KCNAB1: variants seen among roughly 807,000 people sequenced by gnomAD.
KCNAB1 encodes voltage-gated potassium channel subunit beta-1.
Under a neutral mutation model 64.6 loss-of-function variants are expected in KCNAB1, and 35 were observed. The ratio of observed to expected loss-of-function variants is 0.54; its 90% CI spans 0.41 to 0.72. KCNAB1 has a LOEUF of 0.72. KCNAB1 is among the 30% of genes least tolerant of loss of function. The probability of loss-of-function intolerance (pLI) is 0.00; values close to 1 mark genes in which losing one functional copy is unlikely to be tolerated. For synonymous variants in KCNAB1, 177 were observed against 183.8 expected (o/e 0.96, Z 0.30); for missense variants, 401 against 512.9 (o/e 0.78, Z 2.11).
chr3:156,335,498 G>T (rs532576599), intron 1 of KCNAB1, among the ~76,000 whole-genome samples: 1 of 152,278 alleles, frequency 6.6e-6, no homozygotes, highest in South Asian at 2.1e-4. Context: ...TGCCATTGAG[G>T]ACTATAGCTC....
chr3:156,173,715 G>T (rs932573376), intron 1 of KCNAB1, among the ~76,000 whole-genome samples: 2 of 152,194 alleles, frequency 1.3e-5, no homozygotes, highest in South Asian at 4.1e-4. Flanking sequence ...ATGTCAACTT[G>T]ACAGGGCCAC....
chr3:156,236,720 T>C (rs1429594538), intron 1 of KCNAB1, among the ~76,000 whole-genome samples: 2 of 152,066 alleles, frequency 1.3e-5, no homozygotes, highest in African/African-American at 4.8e-5. Flanking sequence ...CTACCAATGC[T>C]GCCACTGCCT....
chr3:156,152,300 A>G (rs1715460610), intron 1 of KCNAB1, among the ~76,000 whole-genome samples: 1 of 152,220 alleles, frequency 6.6e-6, no homozygotes. Context: ...CTGAGCACTG[A>G]TGGACCACAG....
chr3:156,131,785 C>T (rs115568269), intron 1 of KCNAB1, among the ~76,000 whole-genome samples: 6 of 152,160 alleles, frequency 3.9e-5, no homozygotes, highest in Non-Finnish European at 4.4e-5. Flanking sequence ...CAAGTCCGAC[C>T]AGGGGTGGGA....
intron 1 of KCNAB1, among the ~76,000 whole-genome samples, chr3:156,304,521 C>T (rs897784264): frequency 6.6e-5 from 10 of 152,156 alleles, no homozygotes; most frequent in Admixed American, 1.3e-4. Context: ...TACTGACCAG[C>T]GTATGTTTAT....
At chr3:156,222,690 G>C (rs1373289450) in intron 1 of KCNAB1, among the ~76,000 whole-genome samples, 1 of 152,144 alleles carries the variant, frequency 6.6e-6, no homozygotes, top group Non-Finnish European at 1.5e-5. Flanking sequence ...CACAAAACAA[G>C]TCTCAGCAAA....
chr3:156,412,332 T>C (rs1292332415), intron 1 of KCNAB1, among the ~76,000 whole-genome samples: 1 of 152,214 alleles, frequency 6.6e-6, no homozygotes, highest in African/African-American at 2.4e-5. Context: ...AGAGACAGTT[T>C]TATTTCCTTT....
In KCNAB1 at chr3:156,523,924, G is replaced by GCA; in HGVS notation, c.1062_1063dup (p.Leu355HisfsTer5). 6.2e-7 allele frequency: 1 copy of GCA among 1,613,988 alleles called. No individual in the cohort carries two copies. Among genetic ancestry groups the GCA allele is most frequent in the East Asian group, 2.2e-5 (1 of 44,872 alleles). ...TCCCCAATTGCGGAGCGTCTGGGAT[G>GCA]CACACTACCTCAGCTAGCTGTTGGT... On this transcript the variant is annotated frameshift_variant, in exon 12 of 14. Transcript: ENST00000490337. LOFTEE classifies it high-confidence loss of function.
chr3:156,144,296 C>T (rs1332974600), intron 1 of KCNAB1, among the ~76,000 whole-genome samples: 1 of 152,136 alleles, frequency 6.6e-6, no homozygotes, highest in Non-Finnish European at 1.5e-5. Context: ...TTTTCATGTA[C>T]AAGATGTCCC....
At chr3:156,145,995 C>G (rs552016496) in intron 1 of KCNAB1, among the ~76,000 whole-genome samples, 2 of 152,038 alleles carry the variant, frequency 1.3e-5, no homozygotes, top group Admixed American at 1.3e-4. Context: ...CTGGAAGAGC[C>G]GGGTAAGCTG....
rs373046363 is a variant in KCNAB1, at chr3:156,461,676, C to T, written c.482+1805C>T. Reference sequence around the variant, plus strand: ...ACATCTAAGGAAGGAGGGAAAGTATCGGTGCAGTAGCTCTTTTCTTTCTTA... The same window carrying T: ...ACATCTAAGGAAGGAGGGAAAGTATTGGTGCAGTAGCTCTTTTCTTTCTTA... On this transcript the variant is annotated intron_variant, in intron 5 of 13. Coordinates refer to ENST00000490337, the MANE Select transcript of KCNAB1 (RefSeq NM_172160.3). Among the ~76,000 whole-genome samples, 148 of 152,208 alleles carry T rather than the reference C, an allele frequency of 9.7e-4. 3 individuals carry two copies. The highest frequency in any genetic ancestry group is 3.4e-3 in the African/African-American group (142 of 41,528).
Position 156,536,931 on chromosome 3 carries a change from A to G in KCNAB1, c.*184A>G, listed in dbSNP as rs1330986249. 1 of 596,124 alleles carries G rather than the reference A, an allele frequency of 1.7e-6. No individual in the cohort carries two copies. Among genetic ancestry groups the G allele is most frequent in the Non-Finnish European group, 3.0e-6 (1 of 335,010 alleles). 36.9% of individuals were successfully genotyped at this position (596,124 alleles called of 1,614,324 possible). ...TGTGCACATCTGAAAACTCACAACC[A>G]AGAAAATCCATTCTATTTTCTTATC... On this transcript the variant is annotated 3_prime_UTR_variant, in exon 14 of 14. Transcript: ENST00000490337.
intron 1 of KCNAB1, among the ~76,000 whole-genome samples, chr3:156,226,931 A>T (rs1716215643): frequency 6.6e-6 from 1 of 152,220 alleles, no homozygotes; most frequent in African/African-American, 2.4e-5. Flanking sequence ...ACCATGGTGG[A>T]CTATGACACA....
rs1288418194 is a variant in KCNAB1 at position 156,443,030 on chromosome 3, G to A, written c.320-9869G>A. ...AGCCAGTTTGGGGGCAGAGATAGGT[G>A]CAAAGCTTTTTTAAAAAATTTCATT... is the stretch of plus-strand genomic sequence containing the variant. On this transcript the variant is annotated intron_variant, in intron 2 of 13. Transcript: ENST00000490337. Among the ~76,000 whole-genome samples the A allele has an allele frequency of 5.3e-5, 8 of 152,284 alleles. No homozygotes were observed. In the East Asian group the frequency reaches 1.5e-3, roughly 29 times the overall value.
At chr3:156,381,251 G>A (rs1046665337) in intron 1 of KCNAB1, among the ~76,000 whole-genome samples, 1 of 152,134 alleles carries the variant, frequency 6.6e-6, no homozygotes, top group Admixed American at 6.5e-5. Context: ...ATCTGAACTG[G>A]CCGGTTAAAG....
At chr3:156,342,218 C>T (rs1007114602) in intron 1 of KCNAB1, among the ~76,000 whole-genome samples, 2 of 152,182 alleles carry the variant, frequency 1.3e-5, no homozygotes, top group African/African-American at 4.8e-5. Context: ...CTCTACGCCA[C>T]CTCAACCACA....
intron 1 of KCNAB1, among the ~76,000 whole-genome samples, chr3:156,392,277 G>A (rs1325604312): frequency 1.3e-5 from 2 of 152,178 alleles, no homozygotes; most frequent in Non-Finnish European, 2.9e-5. Context: ...AGCAGTATCT[G>A]ACAGGCACTC....
At chr3:156,530,787 C>A (rs1576983626) in intron 12 of KCNAB1, among the ~76,000 whole-genome samples, 6 of 152,206 alleles carry the variant, frequency 3.9e-5, no homozygotes, top group Admixed American at 3.9e-4. Context: ...ACCAAGGAAC[C>A]AGAAACCTAG....
chr3:156,284,128 T>G lies in KCNAB1; in HGVS notation c.276-137488T>G, dbSNP rs565797586. Among the ~76,000 whole-genome samples, 386 of 152,274 alleles carry G rather than the reference T, an allele frequency of 2.5e-3. 5 individuals carry two copies. Among genetic ancestry groups the G allele is most frequent in the African/African-American group, 9.0e-3 (373 of 41,544 alleles). ...TACTTTTGGTCTTTGATGATGGTGA[T>G]GTACAGATGGGTTTTTGGTGTGGGT... is the stretch of plus-strand genomic sequence containing the variant. On this transcript the variant is annotated intron_variant, in intron 1 of 13. Coordinates refer to ENST00000490337, the MANE Select transcript of KCNAB1 (RefSeq NM_172160.3).
Sources: allele counts gnomAD v4.1 joint callset (sites outside exome capture counted in the v4.1 genomes callset), GRCh38; gene constraint gnomAD v4.1.1; transcripts MANE v1.5; gene names NCBI Gene and HGNC (gene_info 2026-07-23, HGNC 2026-07-21).